CACNA2D3: variants seen among roughly 807,000 people sequenced by gnomAD.
CACNA2D3 encodes calcium voltage-gated channel auxiliary subunit alpha2delta 3.
CACNA2D3 carries 60 observed loss-of-function variants against 160.6 expected under a neutral mutation model. The observed-to-expected ratio is 0.37, with a 90% CI of 0.30 to 0.46. The LOEUF (loss-of-function observed/expected upper bound fraction) is 0.46. Among genes scored for constraint, CACNA2D3 ranks in the 20% least tolerant of loss-of-function variants. The pLI is 1.00. For missense variants in CACNA2D3, 1,205 were observed against 1,365.0 expected (o/e 0.88, Z 1.85); for synonymous variants, 558 against 492.9 (o/e 1.13, Z -1.75).
rs148568750 is a variant in CACNA2D3 at position 54,664,078 on chromosome 3, C to T, written c.1167+21837C>T. On this transcript the variant is annotated intron_variant, in intron 11 of 37. Transcript: ENST00000474759. ...ATCACATTAACTCTTTCATTAACTCCAGCTGTGCTGAGCCGAATCGGCGAT... is the reference window on the plus strand; with the variant it reads ...ATCACATTAACTCTTTCATTAACTCTAGCTGTGCTGAGCCGAATCGGCGAT... Among the ~76,000 whole-genome samples the T allele has an allele frequency of 3.9e-5, 6 of 152,340 alleles. No individual in the cohort carries two copies. The East Asian group carries it at 1.2e-3, about 29-fold the overall frequency.
intron 13 of CACNA2D3, among the ~76,000 whole-genome samples, chr3:54,766,915 A>G (rs1247414826): frequency 2.0e-5 from 3 of 151,054 alleles, no homozygotes; most frequent in South Asian, 4.2e-4. Context: ...GAAGATAGAT[A>G]TGTAATTACT....
At chr3:55,026,667 A>G (rs1482025254) in intron 35 of CACNA2D3, among the ~76,000 whole-genome samples, 2 of 152,148 alleles carry the variant, frequency 1.3e-5, no homozygotes, top group East Asian at 1.9e-4. Flanking sequence ...TGGTCAACAC[A>G]TTGTTAGAAG....
At chr3:54,225,739 C>CTTGA (rs1701658219) in intron 2 of CACNA2D3, among the ~76,000 whole-genome samples, 1 of 151,354 alleles carries the variant, frequency 6.6e-6, no homozygotes, top group Non-Finnish European at 1.5e-5. Flanking sequence ...GTCTGATGAC[C>CTTGA]TCAAACCTGT....
chr3:54,951,422 G>A (rs1017201493), intron 27 of CACNA2D3, among the ~76,000 whole-genome samples: 1 of 152,202 alleles, frequency 6.6e-6, no homozygotes, highest in South Asian at 2.1e-4. Context: ...CCAAGCCATC[G>A]ACACCATTAG....
intron 13 of CACNA2D3, among the ~76,000 whole-genome samples, chr3:54,789,576 G>A (rs1171074324): frequency 1.3e-5 from 2 of 152,174 alleles, no homozygotes; most frequent in East Asian, 3.8e-4. Context: ...AATCCATGAA[G>A]CTATTTCCAA....
intron 4 of CACNA2D3, among the ~76,000 whole-genome samples, chr3:54,476,554 C>G (rs1043105483): frequency 1.3e-5 from 2 of 152,118 alleles, no homozygotes; most frequent in Admixed American, 6.6e-5. Context: ...TTCTCCCCCT[C>G]CATGCCAACA....
At chr3:54,763,653 A>G (rs561371449) in intron 12 of CACNA2D3, among the ~76,000 whole-genome samples, 106 of 140,722 alleles carry the variant, frequency 7.5e-4, no homozygotes, top group East Asian at 2.3e-3. Context: ...GTGTATATAT[A>G]TGTGTGTGTG....
chr3:54,798,842 T>G (rs1377939183), intron 13 of CACNA2D3, among the ~76,000 whole-genome samples: 2 of 152,218 alleles, frequency 1.3e-5, no homozygotes, highest in African/African-American at 4.8e-5. Flanking sequence ...TGGTCACATG[T>G]TCTGTCTTGG....
chr3:54,257,906 G>A (rs548351525), intron 2 of CACNA2D3, among the ~76,000 whole-genome samples: 2 of 152,322 alleles, frequency 1.3e-5, no homozygotes, highest in African/African-American at 4.8e-5. Flanking sequence ...AGAAAATGGG[G>A]ATAGTCCAAT....
intron 5 of CACNA2D3, among the ~76,000 whole-genome samples, chr3:54,519,481 C>A (rs955309799): frequency 6.6e-6 from 1 of 152,158 alleles, no homozygotes; most frequent in African/African-American, 2.4e-5. Context: ...GACTAACAGC[C>A]CCACCCCAGA....
chr3:54,529,541 C>G (rs907813039), intron 5 of CACNA2D3, among the ~76,000 whole-genome samples: 2 of 152,174 alleles, frequency 1.3e-5, no homozygotes, highest in Non-Finnish European at 2.9e-5. Flanking sequence ...GTCTGGCCTT[C>G]GGTTTCCTTA....
intron 32 of CACNA2D3, 40 bp downstream of exon 32, chr3:55,004,878 T>C (rs1315734169): frequency 7.3e-7 from 1 of 1,363,454 alleles, no homozygotes; most frequent in Admixed American, 1.7e-5. Context: ...GCCACACATT[T>C]CTGTCTTTCT....
At chr3:54,343,127 T>TC (rs1362863690) in intron 3 of CACNA2D3, among the ~76,000 whole-genome samples, 3 of 152,318 alleles carry the variant, frequency 2.0e-5, no homozygotes, top group Admixed American at 6.5e-5. Flanking sequence ...AACTTTTTTT[T>TC]CCCTCTTGGG....
In CACNA2D3 at chr3:54,510,213, A is replaced by AATGG. The variant is rs142922255; in HGVS notation, c.544+6579_544+6582dup. On this transcript the variant is annotated intron_variant, in intron 5 of 37. Coordinates refer to ENST00000474759, the MANE Select transcript of CACNA2D3 (RefSeq NM_018398.3). The stretch of plus-strand genomic sequence containing the variant: ...GGATGGATGGATGGGTAGGTGGGGG[A>AATGG]ATGGATGGATGGATGGATGGATGAA... Among the ~76,000 whole-genome samples, 25 of 150,130 alleles carry AATGG rather than the reference A, an allele frequency of 1.7e-4. No homozygotes were observed. The East Asian group carries it at 3.1e-3, about 19-fold the overall frequency.
At chr3:54,797,281 T>A (rs1231229032) in intron 13 of CACNA2D3, among the ~76,000 whole-genome samples, 1 of 152,204 alleles carries the variant, frequency 6.6e-6, no homozygotes, top group Non-Finnish European at 1.5e-5. Flanking sequence ...GGAATGTATC[T>A]CTCTTTGTTC....
At chr3:54,579,967 C>G (rs932588592) in intron 8 of CACNA2D3, among the ~76,000 whole-genome samples, 3 of 152,108 alleles carry the variant, frequency 2.0e-5, no homozygotes, top group Non-Finnish European at 4.4e-5. Flanking sequence ...CGAGAGGGCA[C>G]AAGCCTGACT....
chr3:54,527,531 G>A (rs963594681), intron 5 of CACNA2D3, among the ~76,000 whole-genome samples: 5 of 152,110 alleles, frequency 3.3e-5, no homozygotes, highest in South Asian at 2.1e-4. Context: ...TGGAGCGTTC[G>A]CCTTTCAAGT....
chr3:54,533,332 C>CTTTTTT (rs60076440), intron 5 of CACNA2D3, among the ~76,000 whole-genome samples: 15 of 97,302 alleles, frequency 1.5e-4, no homozygotes, highest in Middle Eastern at 7.5e-3. Context: ...CTTTTCTTTC[C>CTTTTTT]TTTTTTTTTT....
Position 54,837,295 on chromosome 3 carries a change from C to T in CACNA2D3, c.1470+65C>T, listed in dbSNP as rs183388349. 2.6e-3 allele frequency: 3,300 copies of T among 1,264,654 alleles called. 10 individuals carry two copies. The highest frequency in any genetic ancestry group is 4.8e-3 in the Middle Eastern group (26 of 5,402). 78.3% of individuals were successfully genotyped at this position (1,264,654 alleles called of 1,614,324 possible). Reference sequence around the variant, plus strand: ...GGTGGTTTTCTCAGACCCCCTCTGACTCCAGCTCTGGTGACTTTTGATTTT... The same window carrying T: ...GGTGGTTTTCTCAGACCCCCTCTGATTCCAGCTCTGGTGACTTTTGATTTT... On this transcript the variant is annotated intron_variant, in intron 15 of 37. Coordinates refer to ENST00000474759, the MANE Select transcript of CACNA2D3 (RefSeq NM_018398.3).
Sources: gnomAD v4.1 joint callset for allele counts (sites outside exome capture counted in the v4.1 genomes callset) on GRCh38, gnomAD v4.1.1 for gene constraint, MANE v1.5 for transcripts, NCBI Gene and HGNC (gene_info 2026-07-23, HGNC 2026-07-21) for gene names.